The following MX2 variants were observed in gnomAD, a reference collection of about 807,000 sequenced individuals.
MX2 encodes the protein interferon-induced GTP-binding protein Mx2.
In MX2, 51 loss-of-function variants were observed where a neutral mutation model predicts 74.0. That is an observed-to-expected ratio of 0.69 (90% CI 0.55 to 0.87). MX2 has a LOEUF of 0.87. Among genes scored for constraint, MX2 ranks in the 40% least tolerant of loss-of-function variants. The probability of loss-of-function intolerance (pLI) is 0.00; values close to 1 mark genes in which losing one functional copy is unlikely to be tolerated. For missense variants in MX2, 832 were observed against 908.7 expected (o/e 0.92, Z 1.09); for synonymous variants, 369 against 339.3 (o/e 1.09, Z -0.96).
rs1465288123 is a variant in MX2, at chr21:41,388,878, G to T, written c.733-1687G>T. ...TGTCATAACTCAGGTAAGGGGTAGG[G>T]TTTGCTAGTGGTTTGGATGCTACCG... On this transcript the variant is annotated intron_variant, in intron 5 of 13. Coordinates refer to ENST00000330714, the MANE Select transcript of MX2 (RefSeq NM_002463.2). The surrounding 1 kb of genome is among the most constrained non-coding windows in gnomAD (Gnocchi z 4.0). Among the ~76,000 whole-genome samples the T allele has an allele frequency of 6.6e-6, 1 of 152,196 alleles. No individual in the cohort carries two copies. Among genetic ancestry groups the T allele is most frequent in the African/African-American group, 2.4e-5 (1 of 41,454 alleles).
Position 41,406,968 on chromosome 21 carries a change from A to G in MX2, c.1875A>G (p.Glu625=). 6.2e-7 allele frequency: 1 copy of G among 1,613,456 alleles called. No individual in the cohort carries two copies. The highest frequency in any genetic ancestry group is 8.5e-7 in the Non-Finnish European group (1 of 1,179,438). The change falls in exon 13 of 14, where the codon GAA becomes GAG. Residue 625 remains glutamate (E), a synonymous_variant. Transcript: ENST00000330714. ...AGTCTTCGGTTTCCTCCTTTACTGA[A>G]ATAGGCATCCACCTGAATGCCTACT... ...SNESSVSSFT[E]IGIHLNAYFL...
intron 5 of MX2, 50 bp from the exon 6 acceptor site, chr21:41,390,515 G>T: frequency 2.5e-6 from 4 of 1,610,630 alleles, no homozygotes; most frequent in South Asian, 2.2e-5. Flanking sequence ...GCTGCTGAGT[G>T]ACCAGAAGTG....
chr21:41,396,823 C>T (rs2089743014), intron 7 of MX2, among the ~76,000 whole-genome samples: 1 of 152,194 alleles, frequency 6.6e-6, no homozygotes, highest in Admixed American at 6.5e-5. Context: ...CCATGGTTCT[C>T]CATGCTGAGT....
At position 41,397,815 on chromosome 21, in the gene MX2, C is replaced by T. The variant is rs2089756049; in HGVS notation, c.1149+124C>T. On this transcript the variant is annotated intron_variant, in intron 8 of 13. Coordinates refer to ENST00000330714, the MANE Select transcript of MX2 (RefSeq NM_002463.2). ...CAAGCAAACAAGTACCCTCTGAACA[C>T]TGTCTCACTCACTGTCACAGGCTCA... The T allele has an allele frequency of 4.2e-6, 3 of 721,688 alleles. No individual in the cohort carries two copies. The Admixed American group carries it at 7.5e-5, about 18-fold the overall frequency. 44.7% of individuals were successfully genotyped at this position (721,688 alleles called of 1,614,324 possible).
At chr21:41,394,008 T>C (rs1490299572) in intron 6 of MX2, among the ~76,000 whole-genome samples, 1 of 152,086 alleles carries the variant, frequency 6.6e-6, no homozygotes, top group African/African-American at 2.4e-5. Context: ...GCCAAATCCA[T>C]CCACTGCTCT....
At chr21:41,392,093 C>T (rs1207781286) in intron 6 of MX2, among the ~76,000 whole-genome samples, 1 of 152,130 alleles carries the variant, frequency 6.6e-6, no homozygotes, top group African/African-American at 2.4e-5. Context: ...GTTTTCTGTT[C>T]CTGGGTTAGT....
At chr21:41,393,566 A>G (rs2089692924) in intron 6 of MX2, among the ~76,000 whole-genome samples, 1 of 152,020 alleles carries the variant, frequency 6.6e-6, no homozygotes, top group Non-Finnish European at 1.5e-5. Context: ...GCCAGCTGGA[A>G]GTCACATTCT....
rs532342260 is a variant in MX2 at position 41,394,671 on chromosome 21, G to A, written c.872-916G>A. Among the ~76,000 whole-genome samples, 9 of 152,266 alleles carry A rather than the reference G, an allele frequency of 5.9e-5. No individual in the cohort carries two copies. The East Asian group carries it at 7.7e-4, about 13-fold the overall frequency. On this transcript the variant is annotated intron_variant, in intron 6 of 13. Coordinates refer to ENST00000330714, the MANE Select transcript of MX2 (RefSeq NM_002463.2). ...AATAGCGGAAGATAAGGCCAGGCAC[G>A]GTGGCTCATGCCTGTAATCCCAACA...
At chr21:41,392,081 T>C (rs1483520933) in intron 6 of MX2, among the ~76,000 whole-genome samples, 1 of 152,230 alleles carries the variant, frequency 6.6e-6, no homozygotes, top group Non-Finnish European at 1.5e-5. Flanking sequence ...ATGTGGCATT[T>C]GGTTTTCTGT....
At chr21:41,395,446 A>C in intron 6 of MX2, 141 bp from the exon 7 acceptor site, 4 of 657,262 alleles carry the variant, frequency 6.1e-6, no homozygotes, top group East Asian at 2.8e-5. Flanking sequence ...CAATGAGGGA[A>C]TGAGGATGGA....
intron 5 of MX2, 64 bp downstream of exon 5, chr21:41,382,628 G>A: frequency 6.3e-7 from 1 of 1,594,456 alleles, no homozygotes; most frequent in South Asian, 1.1e-5. Flanking sequence ...GAGGTCCCCA[G>A]GGTCCTGGTG....
intron 7 of MX2, 21 bp downstream of exon 7, chr21:41,395,806 T>C (rs440364): frequency 0.89 from 1,427,884 of 1,612,690 alleles, 634,126 homozygotes; most frequent in East Asian, 0.96. Flanking sequence ...TCAGGAAAGC[T>C]CTGGAATTAG....
intron 3 of MX2, among the ~76,000 whole-genome samples, chr21:41,378,228 G>T (rs1276006556): frequency 1.3e-5 from 2 of 151,918 alleles, no homozygotes; most frequent in Non-Finnish European, 2.9e-5. Context: ...CACTGGGAGA[G>T]ACAGACCATT....
In MX2 at chr21:41,408,190, C is replaced by T. The variant is rs548863071; in HGVS notation, c.2105C>T (p.Ala702Val). 6.2e-6 allele frequency: 10 copies of T among 1,614,160 alleles called. No homozygotes were observed. Among genetic ancestry groups the T allele is most frequent in the Admixed American group, 1.7e-5 (1 of 60,022 alleles). The change falls in exon 14 of 14, where the codon GCG (alanine) becomes GTG (valine). Residue 702 changes from alanine to valine, a missense_variant. Ala to Val is a moderately conservative substitution (Grantham distance 64). Transcript: ENST00000330714. ...LKERIYRLTQARHALCQFSSK... is the reference protein window; with the variant it reads ...LKERIYRLTQVRHALCQFSSK... The stretch of plus-strand genomic sequence containing the variant: ...GAGAGAATTTACCGGCTCACTCAGG[C>T]GCGACACGCACTCTGTCAATTCTCC...
At chr21:41,362,441 G>A (rs1029912907) in intron 1 of MX2, among the ~76,000 whole-genome samples, 1 of 152,186 alleles carries the variant, frequency 6.6e-6, no homozygotes, top group Non-Finnish European at 1.5e-5. Flanking sequence ...AGGGTTTCAA[G>A]TGTTCCTTCT....
Position 41,377,803 on chromosome 21 carries a change from C to G in MX2, c.264C>G (p.Asn88Lys). The G allele has an allele frequency of 6.2e-7, 1 of 1,612,042 alleles. No homozygotes were observed. The highest frequency in any genetic ancestry group is 8.5e-7 in the Non-Finnish European group (1 of 1,178,304). ...GCCTTCTCCAGGGGCCCGAGAACAA[C>G]CTGTACAGCCAGTACGAGCAGAAGG... is the stretch of plus-strand genomic sequence containing the variant. Reference protein sequence around the residue: ...SQPRAMGPENNLYSQYEQKVR... With the variant: ...SQPRAMGPENKLYSQYEQKVR... The change falls in exon 3 of 14, where the codon AAC becomes AAG. Residue 88 changes from asparagine (N) to lysine (K), a missense_variant. Asn to Lys is a moderately conservative substitution (Grantham distance 94). Coordinates refer to ENST00000330714, the MANE Select transcript of MX2 (RefSeq NM_002463.2).
At chr21:41,372,614 A>G (rs1423253353) in intron 1 of MX2, among the ~76,000 whole-genome samples, 1 of 152,146 alleles carries the variant, frequency 6.6e-6, no homozygotes, top group African/African-American at 2.4e-5. Context: ...TTAGTATCTC[A>G]TACCTCCTTT....
rs553036753 is a variant in MX2 at position 41,402,340 on chromosome 21, G to A, written c.1573+212G>A. ...AGCTACCGATTCTGCCCTTCTGCCT[G>A]AGAACTCGTACTGAGGTTTCCAGGA... is the stretch of plus-strand genomic sequence containing the variant. On this transcript the variant is annotated intron_variant, in intron 11 of 13. Coordinates refer to ENST00000330714, the MANE Select transcript of MX2 (RefSeq NM_002463.2). This position sits in a 1 kb window ranked among gnomAD's most constrained non-coding sequence, Gnocchi z 4.5. 46 of 531,304 alleles carry A rather than the reference G, an allele frequency of 8.7e-5. 1 individual carries two copies. In the South Asian group the frequency reaches 1.4e-3, roughly 17 times the overall value. 32.9% of individuals were successfully genotyped at this position (531,304 alleles called of 1,614,324 possible). A position where few individuals can be genotyped will look rare whatever the true frequency, so the allele number is the denominator to read the frequency against.
chr21:41,390,497 C>G (rs1370319160), intron 5 of MX2, 68 bp from the exon 6 acceptor site: 17 of 1,601,850 alleles, frequency 1.1e-5, no homozygotes, highest in Non-Finnish European at 1.4e-5. Context: ...GCCTGCCTGC[C>G]TGGCCGTGCT....
Sources: gnomAD v4.1 joint callset for allele counts (sites outside exome capture counted in the v4.1 genomes callset) on GRCh38, gnomAD v4.1.1 for gene constraint, Gnocchi (gnomAD v3.1) non-coding constraint, MANE v1.5 for transcripts, NCBI Gene and HGNC (gene_info 2026-07-23, HGNC 2026-07-21) for gene names.